IQSEC1: variants seen among roughly 807,000 people sequenced by gnomAD.
IQSEC1 encodes the protein IQ motif and Sec7 domain ArfGEF 1.
IQSEC1 carries 31 observed loss-of-function variants against 91.0 expected under a neutral mutation model. That is an observed-to-expected ratio of 0.34 (90% CI 0.26 to 0.46). The LOEUF is 0.46. Among genes scored for constraint, IQSEC1 ranks in the 20% least tolerant of loss-of-function variants. IQSEC1 has a pLI of 1.00. For synonymous variants in IQSEC1, 699 were observed against 662.6 expected, an observed-to-expected ratio of 1.05 and a Z score of -0.84; for missense variants, 1,388 against 1,575.6, an observed-to-expected ratio of 0.88 and a Z score of 2.02.
chr3:13,083,445 C>G (rs73813165), intron 2 of IQSEC1, among the ~76,000 whole-genome samples: 1 of 152,222 alleles, frequency 6.6e-6, no homozygotes, highest in Non-Finnish European at 1.5e-5. Context: ...CCTGGGCAAA[C>G]GACTCAGCCT....
intron 1 of IQSEC1, among the ~76,000 whole-genome samples, chr3:13,051,369 C>T (rs371227496): frequency 3.4e-4 from 52 of 152,276 alleles, no homozygotes; most frequent in African/African-American, 1.3e-3. Flanking sequence ...CTAAACAGCA[C>T]CCGACCATTG....
chr3:13,149,591 C>T (rs1315281938), intron 2 of IQSEC1, among the ~76,000 whole-genome samples: 2 of 152,046 alleles, frequency 1.3e-5, no homozygotes, highest in East Asian at 3.9e-4. Flanking sequence ...CTGGGAAATC[C>T]GGCTCCTCTA....
intron 2 of IQSEC1, among the ~76,000 whole-genome samples, chr3:13,087,798 A>G (rs1397146577): frequency 6.6e-6 from 1 of 152,212 alleles, no homozygotes; most frequent in Non-Finnish European, 1.5e-5. Context: ...GCACCTGGCA[A>G]GGGCCACCCT....
chr3:12,993,214 G>A (rs1012899873), intron 1 of IQSEC1, among the ~76,000 whole-genome samples: 14 of 152,190 alleles, frequency 9.2e-5, no homozygotes, highest in African/African-American at 3.4e-4. Context: ...TCCACCCCAA[G>A]ACTGAGAACC....
intron 1 of IQSEC1, among the ~76,000 whole-genome samples, chr3:13,201,613 G>A (rs572243105): frequency 3.9e-5 from 6 of 152,252 alleles, no homozygotes; most frequent in African/African-American, 1.4e-4. Flanking sequence ...CAAAGTGCTG[G>A]GATTATGGGC....
intron 1 of IQSEC1, among the ~76,000 whole-genome samples, chr3:13,220,992 G>A (rs534610636): frequency 4.6e-5 from 7 of 152,342 alleles, no homozygotes; most frequent in East Asian, 3.9e-4. Flanking sequence ...TTGGGGAAAC[G>A]ACATAGGGGA....
At chr3:13,129,782 C>A (rs1414406500) in intron 2 of IQSEC1, among the ~76,000 whole-genome samples, 1 of 151,052 alleles carries the variant, frequency 6.6e-6, no homozygotes, top group African/African-American at 2.4e-5. Flanking sequence ...CTCAGCCTCC[C>A]GAGTAGCTGG....
chr3:13,191,676 A>G (rs1027134890), intron 1 of IQSEC1, among the ~76,000 whole-genome samples: 3 of 152,096 alleles, frequency 2.0e-5, no homozygotes, highest in African/African-American at 7.2e-5. Flanking sequence ...TATTTCTTAG[A>G]TAAGAAAGAA....
intron 2 of IQSEC1, among the ~76,000 whole-genome samples, chr3:13,163,663 A>T (rs1693392194): frequency 6.6e-6 from 1 of 152,238 alleles, no homozygotes; most frequent in East Asian, 1.9e-4. Context: ...CCTGCCGTGG[A>T]GACACCCCTG....
chr3:13,056,125 C>T (rs1340129666), intron 1 of IQSEC1, among the ~76,000 whole-genome samples: 1 of 152,178 alleles, frequency 6.6e-6, no homozygotes, highest in Non-Finnish European at 1.5e-5. Flanking sequence ...CCATGTGGCC[C>T]GGAGCCTGAC....
At chr3:13,032,606 TGGA>T (rs1703885675) in intron 1 of IQSEC1, among the ~76,000 whole-genome samples, 1 of 150,614 alleles carries the variant, frequency 6.6e-6, no homozygotes, top group Admixed American at 6.6e-5. Context: ...TTTTTTGAGA[TGGA>T]GTCTCGCTCT....
rs990635673 is a variant in IQSEC1, at chr3:13,072,409, C to T, written c.23+583G>A. ...ACCCGGGCCCGTGATGTCACCGCCCCGTGCAGACTTTCACAGCCTCTGCTG... is the reference window on the plus strand; with the variant it reads ...ACCCGGGCCCGTGATGTCACCGCCCTGTGCAGACTTTCACAGCCTCTGCTG... On this transcript the variant is annotated intron_variant, in intron 1 of 13. Coordinates refer to ENST00000613206, the MANE Select transcript of IQSEC1 (RefSeq NM_001134382.3). 9.2e-5 allele frequency among the ~76,000 whole-genome samples: 14 copies of T among 152,340 alleles called. 1 individual carries two copies. Among genetic ancestry groups the T allele is most frequent in the South Asian group, 8.3e-4 (4 of 4,830 alleles).
At chr3:13,138,617 C>T (rs539391433) in intron 2 of IQSEC1, among the ~76,000 whole-genome samples, 1 of 152,210 alleles carries the variant, frequency 6.6e-6, no homozygotes, top group South Asian at 2.1e-4. Context: ...AACACAGAGG[C>T]CAGGGAGGGG....
At chr3:13,157,543 TC>T (rs1384527461) in intron 2 of IQSEC1, among the ~76,000 whole-genome samples, 1 of 152,094 alleles carries the variant, frequency 6.6e-6, no homozygotes, top group African/African-American at 2.4e-5. Context: ...TAGAAGACCA[TC>T]CTGAGGAAAT....
intron 3 of IQSEC1, among the ~76,000 whole-genome samples, chr3:12,931,215 C>T (rs901566081): frequency 1.3e-5 from 2 of 152,142 alleles, no homozygotes; most frequent in African/African-American, 4.8e-5. Flanking sequence ...GCTCGGGATC[C>T]TGGGCTGCGG....
At chr3:13,135,943 C>T (rs1706701534) in intron 2 of IQSEC1, among the ~76,000 whole-genome samples, 1 of 152,184 alleles carries the variant, frequency 6.6e-6, no homozygotes, top group African/African-American at 2.4e-5. Flanking sequence ...CAGGCCCTGC[C>T]CCAGGACTCC....
chr3:13,256,938 C>G (rs1161929309), intron 1 of IQSEC1, among the ~76,000 whole-genome samples: 1 of 152,190 alleles, frequency 6.6e-6, no homozygotes, highest in African/African-American at 2.4e-5. Flanking sequence ...AACCCAAAAA[C>G]AGGCCTGGAG....
intron 12 of IQSEC1, among the ~76,000 whole-genome samples, chr3:12,905,530 C>A (rs776512118): frequency 2.0e-5 from 3 of 152,258 alleles, no homozygotes; most frequent in Non-Finnish European, 2.9e-5. Context: ...AGGGTCTGAC[C>A]GCTAGAGAGG....
intron 1 of IQSEC1, among the ~76,000 whole-genome samples, chr3:13,231,865 A>AC (rs1303782963): frequency 6.6e-6 from 1 of 152,086 alleles, no homozygotes; most frequent in African/African-American, 2.4e-5. Context: ...AGAAACTCAC[A>AC]CCCCCTTTGG....
Sources: gnomAD v4.1 joint callset for allele counts (sites outside exome capture counted in the v4.1 genomes callset) on GRCh38, gnomAD v4.1.1 for gene constraint, MANE v1.5 for transcripts, NCBI Gene and HGNC (gene_info 2026-07-23, HGNC 2026-07-21) for gene names.